Variants in RPP30 observed in about 807,000 individuals in gnomAD.
RPP30 encodes the protein ribonuclease P/MRP subunit p30, also known as ribonuclease P protein subunit p30.
In RPP30, 36 loss-of-function variants were observed where a neutral mutation model predicts 38.6. The ratio of observed to expected loss-of-function variants is 0.93; its 90% CI spans 0.71 to 1.23. The LOEUF is 1.23. Among genes scored for constraint, RPP30 ranks in the 50% most tolerant of loss-of-function variants. The probability of loss-of-function intolerance (pLI) is 0.00; values close to 1 mark genes in which losing one functional copy is unlikely to be tolerated. For synonymous variants in RPP30, 126 were observed against 112.7 expected, an observed-to-expected ratio of 1.12 and a Z score of -0.75; for missense variants, 321 against 321.7, an observed-to-expected ratio of 1.00 and a Z score of 0.02.
At chr10:90,895,145 G>T (rs1258340080) in intron 7 of RPP30, 5 of 555,850 alleles carry the variant, frequency 9.0e-6, no homozygotes, top group African/African-American at 1.9e-5. Context: ...TACTGTGAAA[G>T]AAAAGTCTAG....
At chr10:90,907,645 G>A (rs1847267576), downstream of RPP30, among the ~76,000 whole-genome samples, 1 of 152,128 alleles carries the variant, frequency 6.6e-6, no homozygotes, top group Admixed American at 6.5e-5. Context: ...TTCCACAAGT[G>A]CCAAACATTT....
In RPP30 at chr10:90,896,345, C is replaced by T. The variant is rs762627803; in HGVS notation, c.650C>T (p.Ala217Val). 9 of 1,614,012 alleles carry T rather than the reference C, an allele frequency of 5.6e-6. No homozygotes were observed. The African/African-American group carries it at 8.0e-5, about 14-fold the overall frequency. ...GLLFGLSESD[A>V]KAAVSTNCRA... The stretch of plus-strand genomic sequence containing the variant: ...CTGTTTGGGCTCTCTGAAAGTGACG[C>T]CAAGGCTGCGGTGTCCACCAACTGC... The change falls in exon 10 of 11, where the codon GCC (alanine) becomes GTC (valine). Residue 217 changes from alanine to valine, a missense_variant. Coordinates refer to ENST00000371703, the MANE Select transcript of RPP30 (RefSeq NM_006413.5).
chr10:90,878,693 A>G (rs1022620992), intron 4 of RPP30, among the ~76,000 whole-genome samples: 15 of 152,216 alleles, frequency 9.9e-5, no homozygotes, highest in Middle Eastern at 6.8e-3. Context: ...GAGTCTCACA[A>G]TGTTTCCCAG....
chr10:90,895,566 A>G (rs544615661), intron 8 of RPP30, 83 bp downstream of exon 8: 219 of 803,072 alleles, frequency 2.7e-4, no homozygotes, highest in African/African-American at 1.2e-3. Context: ...AAAATAGTAA[A>G]TGAATATTTG....
intron 10 of RPP30, 118 bp from the exon 11 acceptor site, chr10:90,900,452 A>G: frequency 2.2e-6 from 2 of 926,952 alleles, no homozygotes; most frequent in South Asian, 1.9e-5. Flanking sequence ...TAGCAGCCAT[A>G]GCAGTTCATT....
At chr10:90,896,822 A>G (rs1328526093) in intron 10 of RPP30, among the ~76,000 whole-genome samples, 1 of 152,274 alleles carries the variant, frequency 6.6e-6, no homozygotes, top group Non-Finnish European at 1.5e-5. Context: ...CTAACAAAAC[A>G]TAGACTGTAA....
chr10:90,875,650 T>C (rs1390236275), intron 3 of RPP30, 36 bp downstream of exon 3: 1 of 1,550,420 alleles, frequency 6.4e-7, no homozygotes, highest in Admixed American at 1.7e-5. Flanking sequence ...ATAATATCTA[T>C]TTATTCAGTT....
In RPP30 at chr10:90,896,716, T is replaced by C. The variant is rs1170379126; in HGVS notation, c.697+324T>C. Among the ~76,000 whole-genome samples, 3 of 152,336 alleles carry C rather than the reference T, an allele frequency of 2.0e-5. No homozygotes were observed. The East Asian group carries it at 5.8e-4, about 29-fold the overall frequency. On this transcript the variant is annotated intron_variant, in intron 10 of 10. Coordinates refer to ENST00000371703, the MANE Select transcript of RPP30 (RefSeq NM_006413.5). The stretch of plus-strand genomic sequence containing the variant: ...CACCAGAAGGCCATGCTTTCCCTGT[T>C]GAAAATCTCTGTTTTAGAGAACGGA...
At chr10:90,900,487 T>C (rs1344350880) in intron 10 of RPP30, 83 bp from the exon 11 acceptor site, 1 of 1,370,564 alleles carries the variant, frequency 7.3e-7, no homozygotes, top group South Asian at 1.5e-5. Flanking sequence ...GCTATTGCTG[T>C]AAGCCAAAGT....
chr10:90,879,800 G>C (rs1271609778), intron 5 of RPP30, among the ~76,000 whole-genome samples: 1 of 152,148 alleles, frequency 6.6e-6, no homozygotes, highest in Non-Finnish European at 1.5e-5. Context: ...CATTTTAAAT[G>C]ATTACAGTAA....
intron 4 of RPP30, among the ~76,000 whole-genome samples, chr10:90,878,745 G>A (rs911804947): frequency 3.3e-5 from 5 of 152,014 alleles, no homozygotes; most frequent in African/African-American, 9.7e-5. Context: ...CTCCCACGTC[G>A]GCCTCCCAAA....
intron 5 of RPP30, among the ~76,000 whole-genome samples, chr10:90,882,567 G>A (rs755164747): frequency 6.6e-5 from 10 of 152,176 alleles, no homozygotes; most frequent in Non-Finnish European, 1.3e-4. Context: ...GGAGGCTGAG[G>A]CAGGAGAATG....
chr10:90,876,130 G>C, intron 4 of RPP30, 32 bp downstream of exon 4: 1 of 1,351,506 alleles, frequency 7.4e-7, no homozygotes, highest in Non-Finnish European at 1.1e-6. Flanking sequence ...TCTCCTTTTG[G>C]CTTTGTGAGT....
intron 1 of RPP30, among the ~76,000 whole-genome samples, chr10:90,874,323 G>C (rs1044221770): frequency 1.3e-5 from 2 of 152,232 alleles, no homozygotes; most frequent in South Asian, 4.1e-4. Flanking sequence ...AATGGGAAGC[G>C]GGCAGTGGTG....
At chr10:90,876,914 C>T (rs796894102) in intron 4 of RPP30, among the ~76,000 whole-genome samples, 13 of 152,168 alleles carry the variant, frequency 8.5e-5, no homozygotes, top group African/African-American at 3.1e-4. Context: ...CCCTAGGTGG[C>T]CTGAGCAGCC....
At chr10:90,886,364 C>T (rs886290937) in intron 6 of RPP30, among the ~76,000 whole-genome samples, 5 of 152,154 alleles carry the variant, frequency 3.3e-5, no homozygotes, top group African/African-American at 1.2e-4. Flanking sequence ...CATGCTTATT[C>T]ACAAAGAGCC....
intron 4 of RPP30, 134 bp from the exon 5 acceptor site, chr10:90,878,929 T>TA: frequency 1.5e-6 from 1 of 664,786 alleles, no homozygotes; most frequent in South Asian, 1.9e-5. Flanking sequence ...TCTGCCAACA[T>TA]ACAAAGCAAA....
intron 4 of RPP30, among the ~76,000 whole-genome samples, chr10:90,878,587 A>T (rs1449992943): frequency 6.6e-6 from 1 of 150,846 alleles, no homozygotes; most frequent in Non-Finnish European, 1.5e-5. Flanking sequence ...AACCTATGGG[A>T]CTCAAGAGAC....
At chr10:90,895,956 T>C in intron 9 of RPP30, 39 bp downstream of exon 9, 1 of 1,527,954 alleles carries the variant, frequency 6.5e-7, no homozygotes, top group Non-Finnish European at 9.0e-7. Context: ...ACATTGTCTT[T>C]CAGGAAATTT....
Sources: allele counts gnomAD v4.1 joint callset (sites outside exome capture counted in the v4.1 genomes callset), GRCh38; gene constraint gnomAD v4.1.1; transcripts MANE v1.5; gene names NCBI Gene and HGNC (gene_info 2026-07-23, HGNC 2026-07-21).